Variants in FYCO1 observed in about 807,000 individuals in gnomAD.
The protein encoded by FYCO1 is FYVE and coiled-coil domain autophagy adaptor 1.
In FYCO1, 122 loss-of-function variants were observed where a neutral mutation model predicts 165.1. That is an observed-to-expected ratio of 0.74 (90% CI 0.64 to 0.86). FYCO1 has a LOEUF of 0.86. Ranked by LOEUF, FYCO1 falls within the 40% of genes least tolerant of loss-of-function variation. The probability of loss-of-function intolerance (pLI) is 0.00; values close to 1 mark genes in which losing one functional copy is unlikely to be tolerated. For missense variants in FYCO1, 1,702 were observed against 1,810.3 expected, an observed-to-expected ratio of 0.94 and a Z score of 1.09; for synonymous variants, 648 against 742.5, an observed-to-expected ratio of 0.87 and a Z score of 2.07.
chr3:45,947,371 A>G (rs1353612169), intron 14 of FYCO1: 2 of 1,614,124 alleles, frequency 1.2e-6, no homozygotes, highest in African/African-American at 1.3e-5. Context: ...AAGTTTCGAA[A>G]GAACTTCTGG....
intron 2 of FYCO1, among the ~76,000 whole-genome samples, chr3:45,983,478 A>G (rs1707153807): frequency 6.6e-6 from 1 of 152,260 alleles, no homozygotes; most frequent in Non-Finnish European, 1.5e-5. Flanking sequence ...GGACATTGAA[A>G]TCAGCCCAGG....
intron 1 of FYCO1, among the ~76,000 whole-genome samples, chr3:45,990,082 T>C (rs1707494980): frequency 6.6e-6 from 1 of 152,204 alleles, no homozygotes; most frequent in Admixed American, 6.5e-5. Flanking sequence ...TCCAAAATTA[T>C]ATGCTCTGGG....
chr3:45,935,088 G>A (rs1703822466), intron 15 of FYCO1, among the ~76,000 whole-genome samples: 1 of 152,106 alleles, frequency 6.6e-6, no homozygotes, highest in African/African-American at 2.4e-5. Flanking sequence ...AGGACTGGTG[G>A]AATAGATTAT....
intron 14 of FYCO1, among the ~76,000 whole-genome samples, chr3:45,951,794 T>C (rs1285488046): frequency 2.0e-5 from 3 of 152,080 alleles, no homozygotes; most frequent in Non-Finnish European, 4.4e-5. Context: ...AGGAGGTTGC[T>C]TAGGGAGTCC....
At chr3:45,985,135 C>G (rs1559468468) in intron 1 of FYCO1, 113 bp from the exon 2 acceptor site, 2 of 637,072 alleles carry the variant, frequency 3.1e-6, no homozygotes, top group Non-Finnish European at 5.7e-6. Flanking sequence ...TGTATTCCCT[C>G]AACAGGAGGG....
At chr3:45,980,988 A>C (rs1224652695) in intron 3 of FYCO1, among the ~76,000 whole-genome samples, 2 of 152,220 alleles carry the variant, frequency 1.3e-5, no homozygotes, top group African/African-American at 4.8e-5. Flanking sequence ...CAATATGTTA[A>C]AAGAAAATAT....
intron 14 of FYCO1, among the ~76,000 whole-genome samples, chr3:45,939,525 C>T (rs1053091171): frequency 1.2e-4 from 19 of 152,172 alleles, no homozygotes; most frequent in Non-Finnish European, 4.4e-5. Flanking sequence ...AATTACTGCA[C>T]AACTTTAATC....
rs149291592 is a variant in FYCO1 at position 45,973,129 on chromosome 3, C to G, written c.498G>C (p.Ser166=). The change falls in exon 6 of 18, where the codon TCG becomes TCC. Residue 166 remains serine (S), a synonymous_variant. Coordinates refer to ENST00000296137, the MANE Select transcript of FYCO1 (RefSeq NM_024513.4). ...AGGCAGCATCCAAGTCAAAGCCCCT[C>G]GACGCCAGGTCAAACTGAACCTCAG... is the stretch of plus-strand genomic sequence containing the variant. The part of the protein sequence containing the change: ...ELTEVQFDLA[S]RGFDLDAAWP... 1 of 1,614,218 alleles carries G rather than the reference C, an allele frequency of 6.2e-7. No individual in the cohort carries two copies. The highest frequency in any genetic ancestry group is 8.5e-7 in the Non-Finnish European group (1 of 1,180,030).
intron 1 of FYCO1, among the ~76,000 whole-genome samples, chr3:45,985,559 C>T (rs950063531): frequency 2.0e-5 from 3 of 152,238 alleles, no homozygotes; most frequent in Admixed American, 6.5e-5. Context: ...CAAGGAAAGC[C>T]GGGCTTGCCT....
chr3:45,970,497 C>G (rs1177016234), intron 6 of FYCO1, among the ~76,000 whole-genome samples: 5 of 152,174 alleles, frequency 3.3e-5, no homozygotes, highest in Admixed American at 3.3e-4. Flanking sequence ...AAAGGGAAAC[C>G]AAACAAACTC....
At chr3:45,929,182 T>C (rs1703471023) in intron 16 of FYCO1, among the ~76,000 whole-genome samples, 2 of 152,216 alleles carry the variant, frequency 1.3e-5, no homozygotes, top group South Asian at 2.1e-4. Flanking sequence ...TTGGTGACAG[T>C]GGCCTGTGAA....
At chr3:45,934,465 G>A (rs901532915) in intron 15 of FYCO1, among the ~76,000 whole-genome samples, 17 of 152,326 alleles carry the variant, frequency 1.1e-4, no homozygotes, top group African/African-American at 3.6e-4. Context: ...TAAAACCATG[G>A]AGGCCAGAGG....
At chr3:45,972,996 A>C in intron 6 of FYCO1, 92 bp downstream of exon 6, 1 of 1,387,268 alleles carries the variant, frequency 7.2e-7, no homozygotes, top group Non-Finnish European at 1.0e-6. Context: ...TTTACTGAGC[A>C]AGCAAAATTG....
At position 45,973,243 on chromosome 3, in the gene FYCO1, C is replaced by T. The variant is rs944377241; in HGVS notation, c.396-12G>A. 12 of 1,613,450 alleles carry T rather than the reference C, an allele frequency of 7.4e-6. No individual in the cohort carries two copies. The highest frequency in any genetic ancestry group is 8.5e-6 in the Non-Finnish European group (10 of 1,179,494). ...CATAGTACCAGTCACTGCAGAAAAA[C>T]ATGTCAATTATAAGAGTAATAAAGA... On this transcript the variant is annotated splice_polypyrimidine_tract_variant and intron_variant, in intron 5 of 17. Transcript: ENST00000296137.
At chr3:45,927,091 G>A (rs1291026737) in intron 16 of FYCO1, among the ~76,000 whole-genome samples, 1 of 152,172 alleles carries the variant, frequency 6.6e-6, no homozygotes, top group African/African-American at 2.4e-5. Flanking sequence ...GCCCAGGAAG[G>A]CTTTGAATGC....
rs17214952 is a variant in FYCO1 at position 45,969,944 on chromosome 3, A to G, written c.540-179T>C. 0.093 allele frequency among the ~76,000 whole-genome samples: 14,220 copies of G among 152,302 alleles called. 1,024 individuals are homozygous for G. Among genetic ancestry groups the G allele is most frequent in the South Asian group, 0.34 (1,646 of 4,820 alleles). On this transcript the variant is annotated intron_variant, in intron 6 of 17. Coordinates refer to ENST00000296137, the MANE Select transcript of FYCO1 (RefSeq NM_024513.4). ...ACAGCTACACTGGTCTGTAACAGATAAATTCCATGGCTAGAGTTTTACCAT... is the reference window on the plus strand; with the variant it reads ...ACAGCTACACTGGTCTGTAACAGATGAATTCCATGGCTAGAGTTTTACCAT...
rs986094039 is a variant in FYCO1 at position 45,921,182 on chromosome 3, A to G, written c.*583T>C. ...TGAGTTCTGGAGCAGCCTCCAGCTT[A>G]CTGGGGCAGTGAGGGACAAGAGCAT... On this transcript the variant is annotated 3_prime_UTR_variant, in exon 18 of 18. Coordinates refer to ENST00000296137, the MANE Select transcript of FYCO1 (RefSeq NM_024513.4). 5.5e-6 allele frequency: 1 copy of G among 182,098 alleles called. No homozygotes were observed. Among genetic ancestry groups the G allele is most frequent in the Non-Finnish European group, 1.2e-5 (1 of 84,812 alleles). 11.3% of individuals were successfully genotyped at this position (182,098 alleles called of 1,614,324 possible). A position where few individuals can be genotyped will look rare whatever the true frequency, so the allele number is the denominator to read the frequency against.
chr3:45,946,270 C>T (rs996923920), intron 14 of FYCO1: 11 of 546,198 alleles, frequency 2.0e-5, no homozygotes, highest in Middle Eastern at 4.8e-4. Flanking sequence ...ATGGAGAGTC[C>T]TCATCCTGTC....
In FYCO1 at chr3:45,919,900, G is replaced by C. The variant is rs916859060; in HGVS notation, c.*1865C>G. On this transcript the variant is annotated 3_prime_UTR_variant, in exon 18 of 18. Transcript: ENST00000296137. ...ATCAGGCCAAGAAGAGTCGCTGGGGGCCTGGCCACCTCTATTCCAGTACTA... is the reference window on the plus strand; with the variant it reads ...ATCAGGCCAAGAAGAGTCGCTGGGGCCCTGGCCACCTCTATTCCAGTACTA... The C allele has an allele frequency of 5.9e-5, 9 of 152,264 alleles. No homozygotes were observed. The highest frequency in any genetic ancestry group is 1.7e-4 in the African/African-American group (7 of 41,464). The allele number at this position is 152,264 out of a possible 1,614,324, so 9.4% of individuals were successfully genotyped here. A position where few individuals can be genotyped will look rare whatever the true frequency, so the allele number is the denominator to read the frequency against.
Sources: allele counts gnomAD v4.1 joint callset (sites outside exome capture counted in the v4.1 genomes callset), GRCh38; gene constraint gnomAD v4.1.1; transcripts MANE v1.5; gene names NCBI Gene and HGNC (gene_info 2026-07-23, HGNC 2026-07-21).